TRIM37: variants seen among roughly 807,000 people sequenced by gnomAD.
TRIM37 encodes the protein E3 ubiquitin-protein ligase TRIM37.
Under a neutral mutation model 129.8 loss-of-function variants are expected in TRIM37, and 80 were observed. The ratio of observed to expected loss-of-function variants is 0.62; its 90% CI spans 0.51 to 0.74. The LOEUF (loss-of-function observed/expected upper bound fraction) is 0.74. TRIM37 is among the 30% of genes least tolerant of loss of function. TRIM37 has a pLI of 0.00. For missense variants in TRIM37, 1,054 were observed against 1,176.5 expected (o/e 0.90, Z 1.52); for synonymous variants, 389 against 387.1 (o/e 1.00, Z -0.06).
intron 13 of TRIM37, among the ~76,000 whole-genome samples, chr17:59,052,647 T>C (rs920464498): frequency 5.3e-5 from 8 of 151,790 alleles, no homozygotes; most frequent in African/African-American, 1.5e-4. Flanking sequence ...AAATGAGAAC[T>C]TGAGTATTAA....
rs761226394 is a variant in TRIM37, at chr17:59,064,393, T to C, written c.822A>G (p.Pro274=). The change falls in exon 10 of 24, where the codon CCA becomes CCG. Residue 274 remains proline, a synonymous_variant. Transcript: ENST00000262294. ...AAACAAAAGTAGCTGAATCGTAAGA[T>C]GGCACTAATTCACTAAAAAAAAAAA... is the stretch of plus-strand genomic sequence containing the variant. ...VPPDFTSELV[P]SYDSATFVLE... The C allele has an allele frequency of 1.3e-6, 2 of 1,594,966 alleles. No homozygotes were observed. The highest frequency in any genetic ancestry group is 1.7e-5 in the Admixed American group (1 of 57,902).
rs577870454 is a variant in TRIM37, at chr17:59,004,141, A to G, written c.2696-2427T>C. 2.0e-5 allele frequency among the ~76,000 whole-genome samples: 3 copies of G among 152,170 alleles called. No individual in the cohort carries two copies. In the East Asian group the frequency reaches 5.8e-4, roughly 29 times the overall value. On this transcript the variant is annotated intron_variant, in intron 22 of 23. Coordinates refer to ENST00000262294, the MANE Select transcript of TRIM37 (RefSeq NM_015294.6). ...GGAAGGAAGGAAGAATTAAGAATGA[A>G]GGGGATAAAGGGACTGGTCTAAATT...
At position 59,057,052 on chromosome 17, in the gene TRIM37, T is replaced by C; in HGVS notation, c.1022A>G (p.Tyr341Cys). 1 of 1,613,512 alleles carries C rather than the reference T, an allele frequency of 6.2e-7. No homozygotes were observed. Reference sequence around the variant, plus strand: ...GTGAACCATCTCTACACGATATTCATATCTAAAATTGAAAAACAGACCATT... The same window carrying C: ...GTGAACCATCTCTACACGATATTCACATCTAAAATTGAAAAACAGACCATT... ...LSAGLPETSK[Y>C]EYRVEMVHQS... The change falls in exon 13 of 24, where the codon TAT (tyrosine) becomes TGT (cysteine). Residue 341 changes from tyrosine (Y) to cysteine (C), a missense_variant and splice_region_variant. By Grantham distance (194) the Tyr-to-Cys change is radical. This residue lies in a region of TRIM37 where 752 missense variants were observed against 870.8 expected (regional missense o/e 0.86). Transcript: ENST00000262294.
chr17:59,022,627 G>A (rs1372217966), intron 19 of TRIM37, among the ~76,000 whole-genome samples: 1 of 152,154 alleles, frequency 6.6e-6, no homozygotes, highest in Non-Finnish European at 1.5e-5. Flanking sequence ...TTCTTGTTAA[G>A]ATTAAGTGAG....
chr17:58,994,344 T>TA (rs2032757570), downstream of TRIM37, among the ~76,000 whole-genome samples: 1 of 152,166 alleles, frequency 6.6e-6, no homozygotes, highest in African/African-American at 2.4e-5. Context: ...AATTTATTTT[T>TA]AAAAAATAAT....
At chr17:59,003,431 T>C (rs2034042089) in intron 22 of TRIM37, among the ~76,000 whole-genome samples, 1 of 152,152 alleles carries the variant, frequency 6.6e-6, no homozygotes, top group Non-Finnish European at 1.5e-5. Flanking sequence ...AAATCCTCTC[T>C]GGAAGGAAGG....
chr17:59,083,561 G>A (rs1032796175), intron 5 of TRIM37, among the ~76,000 whole-genome samples: 1 of 151,876 alleles, frequency 6.6e-6, no homozygotes, highest in African/African-American at 2.4e-5. Context: ...AACTGCTCTT[G>A]AATTCAATTG....
chr17:59,039,898 A>ATT (rs748976931), intron 17 of TRIM37, among the ~76,000 whole-genome samples: 113 of 152,052 alleles, frequency 7.4e-4, no homozygotes, highest in Non-Finnish European at 1.2e-3. Flanking sequence ...ATTTTTCATT[A>ATT]TTTTTATTTC....
chr17:59,075,792 T>A, intron 7 of TRIM37, 78 bp from the exon 8 acceptor site: 1 of 1,137,460 alleles, frequency 8.8e-7, no homozygotes, highest in Non-Finnish European at 1.3e-6. Flanking sequence ...ATGAACATAT[T>A]TAATAACAAG....
chr17:59,015,829 A>T lies in TRIM37; in HGVS notation c.2387-30T>A, dbSNP rs2035861589. 3 of 1,608,572 alleles carry T rather than the reference A, an allele frequency of 1.9e-6. No homozygotes were observed. In the South Asian group the frequency reaches 3.3e-5, roughly 18 times the overall value. ...AAAAAAAGGAAGATGGAATACAAAA[A>T]TTAGCTGGGCATGGTGGTGTGCGCC... On this transcript the variant is annotated intron_variant, in intron 20 of 23. Coordinates refer to ENST00000262294, the MANE Select transcript of TRIM37 (RefSeq NM_015294.6).
rs117854662 is a variant in TRIM37 at position 59,013,330 on chromosome 17, T to C, written c.2577-884A>G. On this transcript the variant is annotated intron_variant, in intron 21 of 23. Coordinates refer to ENST00000262294, the MANE Select transcript of TRIM37 (RefSeq NM_015294.6). ...GGCAATTTTTGTACTTTGTTTTTAG[T>C]AGAGACAGTGTTTCACCATGATGGC... 6.9e-3 allele frequency among the ~76,000 whole-genome samples: 1,057 copies of C among 152,168 alleles called. 3 individuals carry two copies. The highest frequency in any genetic ancestry group is 0.011 in the Non-Finnish European group (736 of 68,014).
At chr17:59,046,024 A>C (rs1196493609) in intron 16 of TRIM37, among the ~76,000 whole-genome samples, 2 of 152,184 alleles carry the variant, frequency 1.3e-5, no homozygotes, top group African/African-American at 4.8e-5. Flanking sequence ...TCAAAAAAAA[A>C]AAATTATCCA....
chr17:58,969,503 C>G, the TRIM37 span: 1 of 1,605,514 alleles, frequency 6.2e-7, no homozygotes, highest in Non-Finnish European at 8.5e-7. Flanking sequence ...CATGCTATAC[C>G]CAACTCCCAT....
chr17:59,103,267 T>G (rs1472198462), intron 2 of TRIM37, among the ~76,000 whole-genome samples: 3 of 152,204 alleles, frequency 2.0e-5, no homozygotes, highest in Non-Finnish European at 4.4e-5. Flanking sequence ...AAGGCAGTTT[T>G]CAACTATGCT....
chr17:59,089,427 G>A (rs777515912), intron 3 of TRIM37, among the ~76,000 whole-genome samples: 1 of 152,124 alleles, frequency 6.6e-6, no homozygotes, highest in Non-Finnish European at 1.5e-5. Context: ...TGGATCACAA[G>A]GTCAGGAGAT....
intron 1 of TRIM37, among the ~76,000 whole-genome samples, chr17:59,105,071 G>A: frequency 7.4e-6 from 1 of 134,732 alleles, no homozygotes; most frequent in African/African-American, 2.9e-5. Context: ...TAGCCTGGGT[G>A]ACAGAGTGAG....
At chr17:59,086,830 CAAGT>C (rs2043795202) in intron 4 of TRIM37, among the ~76,000 whole-genome samples, 2 of 152,066 alleles carry the variant, frequency 1.3e-5, no homozygotes, top group South Asian at 2.1e-4. Context: ...CATCAAACAG[CAAGT>C]AAGAAAGACT....
the TRIM37 span, chr17:58,972,283 T>C: frequency 6.2e-7 from 1 of 1,613,314 alleles, no homozygotes; most frequent in Non-Finnish European, 8.5e-7. Flanking sequence ...GAGGTAAGTA[T>C]GGTCTGTTTT....
the TRIM37 span, among the ~76,000 whole-genome samples, chr17:58,968,931 G>A: frequency 6.6e-6 from 1 of 152,164 alleles, no homozygotes; most frequent in Non-Finnish European, 1.5e-5. Flanking sequence ...GTTCAAGTTT[G>A]GTAAACTAGT....
Sources: allele counts gnomAD v4.1 joint callset (sites outside exome capture counted in the v4.1 genomes callset), GRCh38; gene constraint gnomAD v4.1.1; regional missense constraint gnomAD v4.1.1; transcripts MANE v1.5; gene names NCBI Gene and HGNC (gene_info 2026-07-23, HGNC 2026-07-21).